The following SLC35F4 variants were observed in gnomAD, a reference collection of about 807,000 sequenced individuals.
The protein encoded by SLC35F4 is chromosome 14 open reading frame 36.
SLC35F4 carries 24 observed loss-of-function variants against 44.2 expected under a neutral mutation model. The observed-to-expected ratio is 0.54, with a 90% CI of 0.39 to 0.76. The LOEUF (loss-of-function observed/expected upper bound fraction) is 0.76. Ranked by LOEUF, SLC35F4 falls within the 30% of genes least tolerant of loss-of-function variation. The pLI, the probability that SLC35F4 is intolerant of heterozygous loss-of-function variation, is 0.00. For synonymous variants in SLC35F4, 238 were observed against 223.6 expected (o/e 1.06, Z -0.57); for missense variants, 562 against 586.1 (o/e 0.96, Z 0.42).
chr14:57,828,929 T>C (rs551079333), intron 1 of SLC35F4, among the ~76,000 whole-genome samples: 8 of 152,366 alleles, frequency 5.3e-5, no homozygotes, highest in South Asian at 4.1e-4. Flanking sequence ...TTTTTAGCCA[T>C]GTTACACAAC....
chr14:57,874,522 T>A (rs530852594), intron 1 of SLC35F4, among the ~76,000 whole-genome samples: 3 of 152,288 alleles, frequency 2.0e-5, no homozygotes, highest in South Asian at 2.1e-4. Flanking sequence ...ATGTAATAAC[T>A]TGCCCAGTGC....
At chr14:57,590,077 CTTTTT>C (rs112429463) in intron 2 of SLC35F4, among the ~76,000 whole-genome samples, 1 of 138,916 alleles carries the variant, frequency 7.2e-6, no homozygotes, top group Non-Finnish European at 1.6e-5. Flanking sequence ...TTCCATTTTC[CTTTTT>C]TTTTTTTTTT....
chr14:57,645,986 G>A (rs2073488591), intron 1 of SLC35F4, among the ~76,000 whole-genome samples: 1 of 152,138 alleles, frequency 6.6e-6, no homozygotes, highest in Non-Finnish European at 1.5e-5. Flanking sequence ...CTTGATCATG[G>A]TGGATAAGCT....
Position 57,856,611 on chromosome 14 carries a change from C to T in SLC35F4, c.103+9112G>A, listed in dbSNP as rs115352665. Among the ~76,000 whole-genome samples the T allele has an allele frequency of 4.7e-3, 714 of 152,092 alleles. 17 individuals carry two copies. The highest frequency in any genetic ancestry group is 0.016 in the African/African-American group (682 of 41,404). On this transcript the variant is annotated intron_variant, in intron 1 of 7. Transcript: ENST00000556826. Reference sequence around the variant, plus strand: ...TATCTACCATCAATAACATATACAACGATATTTAGTATTAACATAGACCTT... The same window carrying T: ...TATCTACCATCAATAACATATACAATGATATTTAGTATTAACATAGACCTT...
At chr14:57,614,895 T>C (rs1029445191) in intron 1 of SLC35F4, among the ~76,000 whole-genome samples, 1 of 152,226 alleles carries the variant, frequency 6.6e-6, no homozygotes, top group African/African-American at 2.4e-5. Context: ...CCTTGGGATG[T>C]CACTTAAACT....
chr14:57,777,815 G>C (rs114991589), intron 1 of SLC35F4, among the ~76,000 whole-genome samples: 33 of 152,014 alleles, frequency 2.2e-4, no homozygotes, highest in African/African-American at 8.0e-4. Context: ...TGGCAAGCCG[G>C]ATAAAGAAAG....
intron 1 of SLC35F4, chr14:57,630,178 T>C: frequency 1.8e-6 from 1 of 562,010 alleles, no homozygotes; most frequent in Non-Finnish European, 3.6e-6. Context: ...CAGAAGACAC[T>C]AAATCAGATG....
chr14:57,636,001 G>A (rs994941), intron 1 of SLC35F4, among the ~76,000 whole-genome samples: 100,158 of 151,946 alleles, frequency 0.66, 33,683 homozygotes, highest in Non-Finnish European at 0.73. Flanking sequence ...ACTTCCATGT[G>A]GGGTCTTATT....
At chr14:57,664,503 C>T (rs112906339) in intron 1 of SLC35F4, among the ~76,000 whole-genome samples, 3 of 151,990 alleles carry the variant, frequency 2.0e-5, no homozygotes, top group Non-Finnish European at 4.4e-5. Context: ...CCGCCTTCCA[C>T]GTTCAAGTGA....
chr14:57,824,471 A>G (rs1206669935), intron 1 of SLC35F4, among the ~76,000 whole-genome samples: 5 of 152,224 alleles, frequency 3.3e-5, no homozygotes, highest in Admixed American at 1.3e-4. Context: ...ATACATAAAT[A>G]GAAGATAGAT....
chr14:57,830,900 A>C (rs1395547917), intron 1 of SLC35F4, among the ~76,000 whole-genome samples: 1 of 152,214 alleles, frequency 6.6e-6, no homozygotes, highest in Admixed American at 6.5e-5. Flanking sequence ...CCATTTCTGC[A>C]CAGACTACCT....
At chr14:57,783,685 G>T (rs760457415) in intron 1 of SLC35F4, among the ~76,000 whole-genome samples, 1 of 152,188 alleles carries the variant, frequency 6.6e-6, no homozygotes, top group Admixed American at 6.5e-5. Context: ...CACCTTGCCA[G>T]CATGGGATGA....
In SLC35F4 at chr14:57,737,098, T is replaced by TTGTGTG. The variant is rs5808938; in HGVS notation, c.103+128619_103+128624dup. Among the ~76,000 whole-genome samples, 529 of 148,850 alleles carry TTGTGTG rather than the reference T, an allele frequency of 3.6e-3. 3 individuals are homozygous for TTGTGTG. The highest frequency in any genetic ancestry group is 0.03 in the East Asian group (153 of 5,048). ...CAGGAAAATGACATTCTTTCTATCTTTGTGTGTGTGTGTGTGTGTGTGTGT... is the reference window on the plus strand; with the variant it reads ...CAGGAAAATGACATTCTTTCTATCTTTGTGTGTGTGTGTGTGTGTGTGTGTGTGTGT... On this transcript the variant is annotated intron_variant, in intron 1 of 7. Transcript: ENST00000556826.
At position 57,609,220 on chromosome 14, in the gene SLC35F4, G is replaced by A. The variant is rs189156098; in HGVS notation, c.104-15096C>T. 1.8e-3 allele frequency among the ~76,000 whole-genome samples: 272 copies of A among 152,238 alleles called. 2 individuals carry two copies. The highest frequency in any genetic ancestry group is 6.8e-3 in the Middle Eastern group (2 of 294). ...ATATGGCAGATTCAGATAATTCAGC[G>A]TAGTTTTATTAGAAAAAAATGATCT... On this transcript the variant is annotated intron_variant, in intron 1 of 7. Coordinates refer to ENST00000556826, the MANE Select transcript of SLC35F4 (RefSeq NM_001306087.2).
chr14:57,811,455 A>G (rs1476352705), intron 1 of SLC35F4, among the ~76,000 whole-genome samples: 1 of 152,220 alleles, frequency 6.6e-6, no homozygotes, highest in African/African-American at 2.4e-5. Flanking sequence ...TACTGAACAA[A>G]TAGCCCTTCC....
chr14:57,581,194 T>G lies in SLC35F4; in HGVS notation c.807+20A>C. The G allele has an allele frequency of 6.7e-7, 1 of 1,496,114 alleles. No individual in the cohort carries two copies. Among genetic ancestry groups the G allele is most frequent in the Non-Finnish European group, 8.9e-7 (1 of 1,123,392 alleles). 92.7% of individuals were successfully genotyped at this position (1,496,114 alleles called of 1,614,324 possible). On this transcript the variant is annotated intron_variant, in intron 4 of 7. Coordinates refer to ENST00000556826, the MANE Select transcript of SLC35F4 (RefSeq NM_001306087.2). ...TATGAAAAAGGCAGGCATCGCGCATTGAATCAAGTATGCCATTACCCTCAC... is the reference window on the plus strand; with the variant it reads ...TATGAAAAAGGCAGGCATCGCGCATGGAATCAAGTATGCCATTACCCTCAC...
chr14:57,974,097 T>C (rs986240597), downstream of SLC35F4, among the ~76,000 whole-genome samples: 2 of 152,214 alleles, frequency 1.3e-5, no homozygotes, highest in Admixed American at 6.5e-5. Flanking sequence ...TTCTGTTTCA[T>C]GTGGTTTCAA....
Position 57,866,013 on chromosome 14 carries a change from G to A in SLC35F4, c.-188C>T, listed in dbSNP as rs1888139144. 2.9e-6 allele frequency: 1 copy of A among 348,210 alleles called. No homozygotes were observed. The highest frequency in any genetic ancestry group is 5.0e-6 in the Non-Finnish European group (1 of 199,414). 21.6% of individuals were successfully genotyped at this position (348,210 alleles called of 1,614,324 possible). A position where few individuals can be genotyped will look rare whatever the true frequency, so the allele number is the denominator to read the frequency against. ...CAGCGGCGGCGGCGGCGGCGGCGGC[G>A]GAGCGGCCCCCACTCGGGCCGGCCT... On this transcript the variant is annotated 5_prime_UTR_variant, in exon 1 of 8. Transcript: ENST00000556826.
At chr14:57,918,973 A>C (rs1468298194) in intron 1 of SLC35F4, among the ~76,000 whole-genome samples, 1 of 152,224 alleles carries the variant, frequency 6.6e-6, no homozygotes, top group Non-Finnish European at 1.5e-5. Flanking sequence ...ATTTGTTGCC[A>C]GGAGGTGACT....
Sources: gnomAD v4.1 joint callset for allele counts (sites outside exome capture counted in the v4.1 genomes callset) on GRCh38, gnomAD v4.1.1 for gene constraint, MANE v1.5 for transcripts, NCBI Gene and HGNC (gene_info 2026-07-23, HGNC 2026-07-21) for gene names.